MCUB: variants seen among roughly 807,000 people sequenced by gnomAD.
MCUB encodes the protein calcium uniporter regulatory subunit MCUb, mitochondrial.
Under a neutral mutation model 41.4 loss-of-function variants are expected in MCUB, and 46 were observed. The ratio of observed to expected loss-of-function variants is 1.11; its 90% confidence interval spans 0.88 to 1.42. MCUB has a LOEUF of 1.42. MCUB is among the 40% of genes most tolerant of loss of function. The pLI is 0.00. For missense variants in MCUB, 403 were observed against 404.9 expected (o/e 1.00, Z 0.04); for synonymous variants, 148 against 148.2 (o/e 1.00, Z 0.01).
At chr4:109,641,689 C>CA (rs1728718839) in intron 1 of MCUB, among the ~76,000 whole-genome samples, 1 of 152,174 alleles carries the variant, frequency 6.6e-6, no homozygotes, top group Non-Finnish European at 1.5e-5. Flanking sequence ...AAGTGAAGCA[C>CA]AATAAAATGA....
intron 3 of MCUB, among the ~76,000 whole-genome samples, chr4:109,664,020 C>T: frequency 6.6e-6 from 1 of 152,230 alleles, no homozygotes. Flanking sequence ...TGCAGTTTCA[C>T]CAAGGGCACT....
intron 1 of MCUB, among the ~76,000 whole-genome samples, chr4:109,608,541 G>A (rs1303346054): frequency 6.6e-6 from 1 of 152,090 alleles, no homozygotes; most frequent in Non-Finnish European, 1.5e-5. Context: ...AGGCTGGAGT[G>A]CAGTGGTGCA....
At chr4:109,642,411 C>CT (rs1349549801) in intron 1 of MCUB, among the ~76,000 whole-genome samples, 1 of 152,108 alleles carries the variant, frequency 6.6e-6, no homozygotes, top group East Asian at 1.9e-4. Context: ...AGATATGGTG[C>CT]TTTTGTGGCA....
intron 3 of MCUB, among the ~76,000 whole-genome samples, chr4:109,662,332 T>G (rs1259658372): frequency 6.6e-6 from 1 of 152,180 alleles, no homozygotes; most frequent in Admixed American, 6.5e-5. Context: ...CTTTCTAAGC[T>G]TCTAGGGGCA....
At chr4:109,651,615 T>G (rs1355999467) in intron 1 of MCUB, among the ~76,000 whole-genome samples, 1 of 152,210 alleles carries the variant, frequency 6.6e-6, no homozygotes, top group Non-Finnish European at 1.5e-5. Flanking sequence ...TTTAAAAATT[T>G]TATATTTAAT....
In MCUB at chr4:109,560,393, CCTGGCGCCCAGCGCGCCCGTGGCCG is replaced by C; in HGVS notation, c.60_84del (p.Trp20CysfsTer10). Reference sequence around the variant, plus strand: ...ACGCGGCTGCTGCCGACCCCTGGCACCTGGCGCCCAGCGCGCCCGTGGCCGCTGCCGCCTCCGCCCCAGGTAAGAG... The same window carrying C: ...ACGCGGCTGCTGCCGACCCCTGGCACCTGCCGCCTCCGCCCCAGGTAAGAG... On this transcript the variant is annotated frameshift_variant, in exon 1 of 8. Coordinates refer to ENST00000394650, the MANE Select transcript of MCUB (RefSeq NM_017918.5). LOFTEE classifies it high-confidence loss of function. The C allele has an allele frequency of 3.0e-6, 4 of 1,326,464 alleles. No individual in the cohort carries two copies. The highest frequency in any genetic ancestry group is 3.9e-6 in the Non-Finnish European group (4 of 1,038,186). 82.2% of individuals were successfully genotyped at this position (1,326,464 alleles called of 1,614,324 possible).
intron 3 of MCUB, 49 bp downstream of exon 3, chr4:109,660,414 C>T (rs1485827577): frequency 1.9e-6 from 2 of 1,070,336 alleles, no homozygotes; most frequent in East Asian, 5.1e-5. Flanking sequence ...TTCTGTCTCT[C>T]CTGAACTTTT....
intron 1 of MCUB, among the ~76,000 whole-genome samples, chr4:109,578,707 T>C (rs1727092736): frequency 1.3e-5 from 2 of 152,152 alleles, no homozygotes; most frequent in Non-Finnish European, 2.9e-5. Flanking sequence ...AAGGTCTCAC[T>C]GTGTTCACAC....
chr4:109,625,842 A>G (rs1204067333), intron 1 of MCUB, among the ~76,000 whole-genome samples: 2 of 152,222 alleles, frequency 1.3e-5, no homozygotes, highest in Non-Finnish European at 1.5e-5. Context: ...TGCAGTTTCC[A>G]TTGAGTATAC....
chr4:109,677,802 ATTTTTTTTTTTTTT>A (rs71595506), intron 4 of MCUB, among the ~76,000 whole-genome samples: 2 of 86,606 alleles, frequency 2.3e-5, no homozygotes, highest in African/African-American at 4.7e-5. Flanking sequence ...AAGGAAACAA[ATTTTTTTTTTTTTT>A]TTTTTTTTTT....
chr4:109,668,076 A>G (rs967051047), intron 4 of MCUB, among the ~76,000 whole-genome samples: 1 of 151,970 alleles, frequency 6.6e-6, no homozygotes, highest in Non-Finnish European at 1.5e-5. Context: ...TGTCTTGATG[A>G]GATGTTCCCT....
intron 1 of MCUB, among the ~76,000 whole-genome samples, chr4:109,604,228 C>T (rs922849252): frequency 6.6e-6 from 1 of 151,636 alleles, no homozygotes; most frequent in African/African-American, 2.4e-5. Flanking sequence ...ATCTCAAGTA[C>T]CCAGGGACAC....
chr4:109,628,113 T>A (rs1342390491), intron 1 of MCUB, among the ~76,000 whole-genome samples: 1 of 152,128 alleles, frequency 6.6e-6, no homozygotes, highest in Admixed American at 6.5e-5. Context: ...GGAGAGGCCC[T>A]CTTGAGGAGG....
chr4:109,613,497 T>C (rs953674511), intron 1 of MCUB, among the ~76,000 whole-genome samples: 2 of 152,246 alleles, frequency 1.3e-5, no homozygotes, highest in African/African-American at 4.8e-5. Flanking sequence ...CTCTGGCTGT[T>C]GTCCAGTGCT....
intron 1 of MCUB, among the ~76,000 whole-genome samples, chr4:109,569,015 A>G (rs943068847): frequency 2.0e-5 from 3 of 152,208 alleles, no homozygotes; most frequent in African/African-American, 7.2e-5. Context: ...GAACCTTTAT[A>G]CATATTACAT....
intron 1 of MCUB, among the ~76,000 whole-genome samples, chr4:109,568,119 G>A (rs1261114332): frequency 6.6e-6 from 1 of 152,118 alleles, no homozygotes; most frequent in African/African-American, 2.4e-5. Flanking sequence ...AGACATCATT[G>A]GCCCTCTAAG....
intron 1 of MCUB, among the ~76,000 whole-genome samples, chr4:109,649,633 T>C (rs1462829499): frequency 6.6e-6 from 1 of 152,138 alleles, no homozygotes; most frequent in African/African-American, 2.4e-5. Flanking sequence ...GGCAATCTCT[T>C]TTTTTTTCAG....
At chr4:109,617,688 TTAAC>T (rs1728161634) in intron 1 of MCUB, among the ~76,000 whole-genome samples, 1 of 152,248 alleles carries the variant, frequency 6.6e-6, no homozygotes, top group South Asian at 2.1e-4. Flanking sequence ...AGATTCATAA[TTAAC>T]CTGTCTATTA....
At chr4:109,581,394 A>G (rs1407915908) in intron 1 of MCUB, among the ~76,000 whole-genome samples, 1 of 152,242 alleles carries the variant, frequency 6.6e-6, no homozygotes, top group Non-Finnish European at 1.5e-5. Context: ...AGATGGATTA[A>G]AGACTTAAAC....
Sources: gnomAD v4.1 joint callset for allele counts (sites outside exome capture counted in the v4.1 genomes callset) on GRCh38, gnomAD v4.1.1 for gene constraint, MANE v1.5 for transcripts, NCBI Gene and HGNC (gene_info 2026-07-23, HGNC 2026-07-21) for gene names.